MMP16: variants seen among roughly 807,000 people sequenced by gnomAD.
MMP16 encodes the protein matrix metallopeptidase 16.
In MMP16, 12 loss-of-function variants were observed where a neutral mutation model predicts 67.8. The observed-to-expected ratio is 0.18, with a 90% CI of 0.11 to 0.29. The LOEUF (loss-of-function observed/expected upper bound fraction) is 0.29, where lower values mean the gene tolerates loss of function less well. Among genes scored for constraint, MMP16 ranks in the 10% least tolerant of loss-of-function variants. MMP16 has a pLI of 1.00. For synonymous variants in MMP16, 249 were observed against 255.9 expected, an observed-to-expected ratio of 0.97 and a Z score of 0.26; for missense variants, 475 against 765.7, an observed-to-expected ratio of 0.62 and a Z score of 4.48.
At chr8:88,184,157 T>C (rs531170441) in intron 3 of MMP16, among the ~76,000 whole-genome samples, 66 of 152,278 alleles carry the variant, frequency 4.3e-4, no homozygotes, top group Middle Eastern at 3.4e-3. Context: ...TATTTAATAC[T>C]CTATATTACT....
intron 6 of MMP16, among the ~76,000 whole-genome samples, chr8:88,094,991 T>C (rs1422478917): frequency 1.3e-5 from 2 of 151,832 alleles, no homozygotes; most frequent in Non-Finnish European, 1.5e-5. Flanking sequence ...GTAGTTTCCA[T>C]ATTATTAATG....
chr8:88,198,223 A>G (rs1031960118), intron 1 of MMP16, among the ~76,000 whole-genome samples: 7 of 152,268 alleles, frequency 4.6e-5, no homozygotes, highest in Non-Finnish European at 8.8e-5. Flanking sequence ...TTACAACTCT[A>G]TGGATTCATT....
At chr8:88,103,713 T>C (rs369619559) in intron 6 of MMP16, among the ~76,000 whole-genome samples, 1 of 151,832 alleles carries the variant, frequency 6.6e-6, no homozygotes, top group Non-Finnish European at 1.5e-5. Context: ...AGCTCTCACA[T>C]GATATAATTT....
intron 1 of MMP16, among the ~76,000 whole-genome samples, chr8:88,279,211 ACT>A (rs1232158154): frequency 1.3e-5 from 2 of 148,966 alleles, no homozygotes; most frequent in Admixed American, 6.7e-5. Flanking sequence ...ACACAGCAAG[ACT>A]CTGTCTCAAA....
At chr8:88,246,811 T>C (rs1399048575) in intron 1 of MMP16, among the ~76,000 whole-genome samples, 1 of 152,158 alleles carries the variant, frequency 6.6e-6, no homozygotes, top group Non-Finnish European at 1.5e-5. Context: ...GTGATTAAAA[T>C]CAAGTAATTA....
chr8:88,141,447 C>T (rs1808209177), intron 4 of MMP16, among the ~76,000 whole-genome samples: 1 of 152,140 alleles, frequency 6.6e-6, no homozygotes, highest in African/African-American at 2.4e-5. Context: ...ATGTGGATAG[C>T]TTCGAGTGGT....
chr8:88,191,214 A>G (rs1048299602), intron 2 of MMP16, among the ~76,000 whole-genome samples: 1 of 152,156 alleles, frequency 6.6e-6, no homozygotes, highest in African/African-American at 2.4e-5. Context: ...CTGGTGCCAT[A>G]CTGTAGAGTT....
intron 4 of MMP16, among the ~76,000 whole-genome samples, chr8:88,128,380 G>A (rs776497795): frequency 2.0e-5 from 3 of 151,814 alleles, no homozygotes; most frequent in Non-Finnish European, 4.4e-5. Flanking sequence ...AATTTAAGAT[G>A]CATTTGGTAG....
chr8:88,318,621 C>A (rs185152077), intron 1 of MMP16, among the ~76,000 whole-genome samples: 1 of 152,136 alleles, frequency 6.6e-6, no homozygotes, highest in Non-Finnish European at 1.5e-5. Context: ...TGATTTTAGG[C>A]TATCCCACTT....
chr8:88,237,479 T>C (rs570101489), intron 1 of MMP16, among the ~76,000 whole-genome samples: 1 of 152,204 alleles, frequency 6.6e-6, no homozygotes, highest in Admixed American at 6.5e-5. Flanking sequence ...GAAACCCGTC[T>C]CTACTAAATA....
Position 88,041,646 on chromosome 8 carries a change from C to G in MMP16, c.1639G>C (p.Asp547His). The change falls in exon 10 of 10, where the codon GAT (aspartate) becomes CAT (histidine). Residue 547 changes from aspartate to histidine, a missense_variant. By Grantham distance (81) the Asp-to-His change is moderately conservative (BLOSUM62 -1). Transcript: ENST00000286614. This position sits in a 1 kb window ranked among gnomAD's most constrained non-coding sequence, Gnocchi z 6.0. ...DRVKEGHSPP[D>H]DVDIVIKLDN... ...AGTTTGATGACAATGTCTACATCAT[C>G]TGGTGGGCTGTGTCCTTCTTTAACT... 2 of 1,614,122 alleles carry G rather than the reference C, an allele frequency of 1.2e-6. No homozygotes were observed. The highest frequency in any genetic ancestry group is 1.7e-6 in the Non-Finnish European group (2 of 1,180,016).
At chr8:88,294,879 A>G (rs1018031305) in intron 1 of MMP16, among the ~76,000 whole-genome samples, 2 of 151,964 alleles carry the variant, frequency 1.3e-5, no homozygotes, top group Admixed American at 1.3e-4. Flanking sequence ...TGCCTGGCTA[A>G]TTTTTGTATT....
chr8:88,146,938 A>C (rs1009410249), intron 4 of MMP16, among the ~76,000 whole-genome samples: 3 of 151,986 alleles, frequency 2.0e-5, no homozygotes, highest in Non-Finnish European at 4.4e-5. Context: ...AGCAGGTATA[A>C]ATGTTCTTGC....
intron 1 of MMP16, among the ~76,000 whole-genome samples, chr8:88,222,743 TAGA>T (rs931630891): frequency 2.6e-4 from 39 of 152,100 alleles, no homozygotes; most frequent in African/African-American, 1.2e-4. Flanking sequence ...ATAAAAACCC[TAGA>T]AGAAAACCTA....
At chr8:88,086,075 G>A (rs1022530066) in intron 6 of MMP16, among the ~76,000 whole-genome samples, 1 of 151,786 alleles carries the variant, frequency 6.6e-6, no homozygotes, top group African/African-American at 2.4e-5. Context: ...CACCAAAAAT[G>A]TAGTTCAGCT....
Position 88,033,554 on chromosome 8 carries a change from G to C in MMP16, c.*7907C>G, listed in dbSNP as rs982264553. The stretch of plus-strand genomic sequence containing the variant: ...TGAACTAATTAGATTTTATGTTTTT[G>C]TTTAAAAAGTTAAGTTTATTAAAAG... On this transcript the variant is annotated 3_prime_UTR_variant, in exon 10 of 10. Coordinates refer to ENST00000286614, the MANE Select transcript of MMP16 (RefSeq NM_005941.5). 7 of 151,672 alleles carry C rather than the reference G, an allele frequency of 4.6e-5. No homozygotes were observed. The highest frequency in any genetic ancestry group is 2.9e-5 in the Non-Finnish European group (2 of 67,828). The allele number at this position is 151,672 out of a possible 1,614,324, so 9.4% of individuals were successfully genotyped here. A position where few individuals can be genotyped will look rare whatever the true frequency, so the allele number is the denominator to read the frequency against.
intron 6 of MMP16, among the ~76,000 whole-genome samples, chr8:88,109,285 T>G: frequency 6.6e-6 from 1 of 151,340 alleles, no homozygotes; most frequent in East Asian, 1.9e-4. Flanking sequence ...TAGTTTTAAT[T>G]TTTTCTGTTG....
intron 1 of MMP16, among the ~76,000 whole-genome samples, chr8:88,277,013 C>T (rs1810659354): frequency 6.6e-6 from 1 of 151,964 alleles, no homozygotes; most frequent in South Asian, 2.1e-4. Context: ...AAAATGTTTT[C>T]CTCTTTGGTA....
chr8:88,291,081 G>A (rs746731039), intron 1 of MMP16, among the ~76,000 whole-genome samples: 2 of 151,946 alleles, frequency 1.3e-5, no homozygotes, highest in South Asian at 2.1e-4. Flanking sequence ...AAGAGTTTGC[G>A]ATCAGCCTGG....
Sources: allele counts gnomAD v4.1 joint callset (sites outside exome capture counted in the v4.1 genomes callset), GRCh38; gene constraint gnomAD v4.1.1; non-coding constraint Gnocchi (gnomAD v3.1); transcripts MANE v1.5; gene names NCBI Gene and HGNC (gene_info 2026-07-23, HGNC 2026-07-21).